The following DLGAP2 variants were observed in gnomAD, a reference collection of about 807,000 sequenced individuals.
DLGAP2 encodes disks large-associated protein 2.
In DLGAP2, 26 loss-of-function variants were observed where a neutral mutation model predicts 100.3. The ratio of observed to expected loss-of-function variants is 0.26; its 90% CI spans 0.19 to 0.36. The LOEUF (loss-of-function observed/expected upper bound fraction) is 0.36. Among genes scored for constraint, DLGAP2 ranks in the 10% least tolerant of loss-of-function variants. The pLI is 1.00. For missense variants in DLGAP2, 1,858 were observed against 1,453.2 expected, an observed-to-expected ratio of 1.28 and a Z score of -4.53; for synonymous variants, 886 against 630.1, an observed-to-expected ratio of 1.41 and a Z score of -6.08.
chr8:1,331,281 G>A (rs990676582), intron 3 of DLGAP2, among the ~76,000 whole-genome samples: 12 of 152,228 alleles, frequency 7.9e-5, no homozygotes, highest in Non-Finnish European at 1.6e-4. Flanking sequence ...GGTCCTGGAA[G>A]CCACAGTGTC....
intron 2 of DLGAP2, among the ~76,000 whole-genome samples, chr8:1,223,316 C>T (rs1798353698): frequency 1.3e-5 from 2 of 152,290 alleles, no homozygotes; most frequent in South Asian, 2.1e-4. Flanking sequence ...CAGGTCTATG[C>T]CATGGGCTGG....
intron 3 of DLGAP2, among the ~76,000 whole-genome samples, chr8:1,416,447 C>T (rs1007326552): frequency 6.6e-6 from 1 of 152,204 alleles, no homozygotes; most frequent in Non-Finnish European, 1.5e-5. Context: ...GTGTCTGATC[C>T]TCAGAACAGT....
intron 2 of DLGAP2, among the ~76,000 whole-genome samples, chr8:1,240,359 G>A (rs1354645913): frequency 4.5e-5 from 5 of 111,658 alleles, no homozygotes; most frequent in East Asian, 2.9e-4. Flanking sequence ...GTCTAGTTCT[G>A]TCTCACACAG....
intron 8 of DLGAP2, among the ~76,000 whole-genome samples, chr8:1,651,551 G>T (rs968464676): frequency 2.0e-5 from 3 of 152,166 alleles, no homozygotes; most frequent in African/African-American, 7.2e-5. Context: ...CCAGCACATG[G>T]CGGCTGGGGC....
intron 3 of DLGAP2, among the ~76,000 whole-genome samples, chr8:1,338,111 G>T (rs913304115): frequency 6.6e-6 from 1 of 152,210 alleles, no homozygotes; most frequent in Non-Finnish European, 1.5e-5. Context: ...GCAGCCATGT[G>T]GTTTAGTTAG....
chr8:738,520 G>T (rs1452163873), intron 1 of DLGAP2: 1 of 152,312 alleles, frequency 6.6e-6, no homozygotes, highest in Non-Finnish European at 1.5e-5. Flanking sequence ...CCAGCGCAGG[G>T]TTTTGTAACT....
At chr8:1,435,294 C>A (rs995120236) in intron 3 of DLGAP2, among the ~76,000 whole-genome samples, 1 of 152,164 alleles carries the variant, frequency 6.6e-6, no homozygotes, top group Non-Finnish European at 1.5e-5. Flanking sequence ...TGCCATCCAT[C>A]GGAAGCAGGC....
intron 3 of DLGAP2, among the ~76,000 whole-genome samples, chr8:1,434,866 C>A (rs1046183027): frequency 6.6e-6 from 1 of 152,160 alleles, no homozygotes; most frequent in Admixed American, 6.5e-5. Flanking sequence ...TTCCTCCCCT[C>A]CCTCCTCCAT....
At chr8:1,063,645 C>G (rs1213157991) in intron 2 of DLGAP2, among the ~76,000 whole-genome samples, 3 of 151,204 alleles carry the variant, frequency 2.0e-5, no homozygotes, top group Admixed American at 1.3e-4. Flanking sequence ...GCTTAGGCAT[C>G]TAGGTAATTG....
chr8:1,442,886 C>G (rs1005273291), intron 3 of DLGAP2, among the ~76,000 whole-genome samples: 2 of 152,274 alleles, frequency 1.3e-5, no homozygotes, highest in African/African-American at 4.8e-5. Context: ...CCACAGGATC[C>G]TGAGTCTAGC....
At chr8:1,080,755 C>G (rs1382365405) in intron 2 of DLGAP2, among the ~76,000 whole-genome samples, 2 of 152,158 alleles carry the variant, frequency 1.3e-5, no homozygotes, top group African/African-American at 2.4e-5. Context: ...GTTGTGAGTC[C>G]TGTGCACTAA....
At chr8:1,407,879 C>T (rs1460451588) in intron 3 of DLGAP2, among the ~76,000 whole-genome samples, 2 of 151,218 alleles carry the variant, frequency 1.3e-5, no homozygotes, top group African/African-American at 4.8e-5. Flanking sequence ...GCACCACCTC[C>T]TTGTCCTCTG....
intron 2 of DLGAP2, among the ~76,000 whole-genome samples, chr8:952,839 A>G (rs907423522): frequency 6.6e-6 from 1 of 152,186 alleles, no homozygotes; most frequent in Non-Finnish European, 1.5e-5. Flanking sequence ...CTTTGATGTG[A>G]CATGTTATTT....
chr8:746,110 G>A (rs1306520526), intron 1 of DLGAP2, among the ~76,000 whole-genome samples: 1 of 152,326 alleles, frequency 6.6e-6, no homozygotes, highest in African/African-American at 2.4e-5. Flanking sequence ...AAGGCCGGGG[G>A]TGCGTCGCTG....
chr8:1,299,387 C>A (rs1397969494), intron 3 of DLGAP2, among the ~76,000 whole-genome samples: 1 of 152,104 alleles, frequency 6.6e-6, no homozygotes, highest in Non-Finnish European at 1.5e-5. Flanking sequence ...TTCTCATGGC[C>A]CTTCTTTCAC....
chr8:915,880 G>C (rs1314234065), intron 2 of DLGAP2, among the ~76,000 whole-genome samples: 1 of 150,450 alleles, frequency 6.6e-6, no homozygotes, highest in Non-Finnish European at 1.5e-5. Context: ...ATCTGTCCCA[G>C]GGCATGGTTT....
At chr8:1,241,735 T>C (rs1798801131) in intron 2 of DLGAP2, among the ~76,000 whole-genome samples, 1 of 87,862 alleles carries the variant, frequency 1.1e-5, no homozygotes, top group East Asian at 3.3e-4. Flanking sequence ...GCAAAACATA[T>C]GTAAGTGGTG....
intron 3 of DLGAP2, among the ~76,000 whole-genome samples, chr8:1,311,715 AC>A (rs1232817867): frequency 6.6e-6 from 1 of 151,536 alleles, no homozygotes; most frequent in African/African-American, 2.4e-5. Flanking sequence ...AAAAAAAAAA[AC>A]TCTTATAAAA....
rs147833879 is a variant in DLGAP2, at chr8:1,091,296, G to A, written c.74-167555G>A. 1.3e-3 allele frequency among the ~76,000 whole-genome samples: 194 copies of A among 152,274 alleles called. 1 individual carries two copies. Among genetic ancestry groups the A allele is most frequent in the African/African-American group, 4.2e-3 (174 of 41,548 alleles). On this transcript the variant is annotated intron_variant, in intron 2 of 14. Transcript: ENST00000637795. ...GAGGCCTGTGAGGATTAAATCTGCCGGCACCTTGTCTGTAAAAACTGTACA... is the reference window on the plus strand; with the variant it reads ...GAGGCCTGTGAGGATTAAATCTGCCAGCACCTTGTCTGTAAAAACTGTACA...
Sources: gnomAD v4.1 joint callset for allele counts (sites outside exome capture counted in the v4.1 genomes callset) on GRCh38, gnomAD v4.1.1 for gene constraint, MANE v1.5 for transcripts, NCBI Gene and HGNC (gene_info 2026-07-23, HGNC 2026-07-21) for gene names.